Variants in PTPRR observed in about 807,000 individuals in gnomAD.
The protein encoded by PTPRR is receptor-type tyrosine-protein phosphatase R.
A neutral mutation model predicts 77.2 loss-of-function variants in PTPRR; 38 were observed. The observed-to-expected ratio is 0.49, with a 90% confidence interval of 0.38 to 0.65. The LOEUF (loss-of-function observed/expected upper bound fraction) is 0.65. Ranked by LOEUF, PTPRR falls within the 30% of genes least tolerant of loss-of-function variation. The pLI is 0.00. For missense variants in PTPRR, 744 were observed against 799.2 expected (o/e 0.93, Z 0.83); for synonymous variants, 299 against 283.1 (o/e 1.06, Z -0.57).
intron 2 of PTPRR, among the ~76,000 whole-genome samples, chr12:70,831,369 G>A (rs1304415060): frequency 6.6e-6 from 1 of 152,166 alleles, no homozygotes. Flanking sequence ...TATACTAGCA[G>A]TCATAATCAT....
chr12:70,656,429 T>C (rs1592640245), intron 13 of PTPRR, among the ~76,000 whole-genome samples: 2 of 152,016 alleles, frequency 1.3e-5, no homozygotes, highest in Non-Finnish European at 2.9e-5. Context: ...GTGCGGGGGC[T>C]GAGGTGTGAG....
chr12:70,883,013 C>T (rs994683590), intron 2 of PTPRR, among the ~76,000 whole-genome samples: 3 of 152,172 alleles, frequency 2.0e-5, no homozygotes, highest in Non-Finnish European at 4.4e-5. Flanking sequence ...TGACTCATGC[C>T]TGTAATCCCA....
At chr12:70,882,251 G>A (rs1051768576) in intron 2 of PTPRR, among the ~76,000 whole-genome samples, 5 of 152,150 alleles carry the variant, frequency 3.3e-5, no homozygotes, top group African/African-American at 4.8e-5. Context: ...AGCCCTGGAG[G>A]TATTTCCTTT....
At position 70,808,551 on chromosome 12, in the gene PTPRR, G is replaced by T. The variant is rs1032242408; in HGVS notation, c.358-43773C>A. ...TTGTACTCTCTCCCTCTATTTCTCA[G>T]ACTGGCCAACACTTAGGGCAAATAG... On this transcript the variant is annotated intron_variant, in intron 2 of 13. Transcript: ENST00000283228. Among the ~76,000 whole-genome samples the T allele has an allele frequency of 1.6e-4, 24 of 152,094 alleles. 1 individual carries two copies. Among genetic ancestry groups the T allele is most frequent in the African/African-American group, 5.5e-4 (23 of 41,470 alleles).
chr12:70,808,378 A>T (rs1295434091), intron 2 of PTPRR, among the ~76,000 whole-genome samples: 1 of 151,934 alleles, frequency 6.6e-6, no homozygotes, highest in Non-Finnish European at 1.5e-5. Flanking sequence ...AAAGCATGTG[A>T]TCTCTGTGAC....
chr12:70,886,017 T>A (rs199711496), intron 2 of PTPRR, among the ~76,000 whole-genome samples: 1 of 152,064 alleles, frequency 6.6e-6, no homozygotes, highest in East Asian at 1.9e-4. Flanking sequence ...AAGACTTGAG[T>A]CATCCTAATA....
intron 6 of PTPRR, among the ~76,000 whole-genome samples, chr12:70,722,617 C>G (rs1291161374): frequency 6.6e-6 from 1 of 152,074 alleles, no homozygotes; most frequent in Non-Finnish European, 1.5e-5. Flanking sequence ...TTGCCAGAAT[C>G]TGGGTACCAA....
intron 10 of PTPRR, among the ~76,000 whole-genome samples, chr12:70,667,805 G>A (rs967080373): frequency 1.3e-5 from 2 of 151,828 alleles, no homozygotes; most frequent in African/African-American, 2.4e-5. Context: ...TGCTTGCTAG[G>A]TTGGACTCCC....
chr12:70,724,438 T>A (rs1889364618), intron 6 of PTPRR, among the ~76,000 whole-genome samples: 1 of 152,182 alleles, frequency 6.6e-6, no homozygotes, highest in Non-Finnish European at 1.5e-5. Context: ...TTAATTGAGA[T>A]AATATGTGTG....
chr12:70,804,139 C>CTGTGTGTGTGTA (rs1891666176), intron 2 of PTPRR, among the ~76,000 whole-genome samples: 1 of 137,252 alleles, frequency 7.3e-6, no homozygotes. Context: ...GTTCCTGGCT[C>CTGTGTGTGTGTA]TGTGTGTGTG....
Position 70,764,647 on chromosome 12 carries a change from G to A in PTPRR, c.471+18C>T, listed in dbSNP as rs759183576. ...CACACGGCTTGAATTTTGGAAATGC[G>A]AAATGTGGGTATCTTACAATGAGGC... On this transcript the variant is annotated intron_variant, in intron 3 of 13. Coordinates refer to ENST00000283228, the MANE Select transcript of PTPRR (RefSeq NM_002849.4). 6.4e-5 allele frequency: 101 copies of A among 1,586,844 alleles called. No individual in the cohort carries two copies. The highest frequency in any genetic ancestry group is 1.8e-4 in the South Asian group (16 of 90,576).
At chr12:70,705,899 G>A (rs1432876940) in intron 6 of PTPRR, among the ~76,000 whole-genome samples, 2 of 152,022 alleles carry the variant, frequency 1.3e-5, no homozygotes, top group Non-Finnish European at 2.9e-5. Flanking sequence ...GTGTTACAGT[G>A]GCCATGAATC....
intron 3 of PTPRR, among the ~76,000 whole-genome samples, chr12:70,764,008 CTTTTTTTTT>C (rs1249116948): frequency 7.6e-6 from 1 of 132,200 alleles, no homozygotes; most frequent in African/African-American, 2.8e-5. Flanking sequence ...TTTGGGTTTA[CTTTTTTTTT>C]TTTTTTTTTT....
chr12:70,809,277 C>A (rs1891767157), intron 2 of PTPRR, among the ~76,000 whole-genome samples: 1 of 152,132 alleles, frequency 6.6e-6, no homozygotes, highest in African/African-American at 2.4e-5. Context: ...GTAGAAAGTA[C>A]AAAGCCAGAA....
chr12:70,810,334 C>A (rs1191453047), intron 2 of PTPRR, among the ~76,000 whole-genome samples: 2 of 152,126 alleles, frequency 1.3e-5, no homozygotes, highest in East Asian at 3.9e-4. Context: ...AGTGGTAGAA[C>A]AGCTCAGTGT....
chr12:70,795,234 G>T (rs1565699730), intron 2 of PTPRR, among the ~76,000 whole-genome samples: 2 of 152,034 alleles, frequency 1.3e-5, no homozygotes, highest in Non-Finnish European at 2.9e-5. Context: ...GGGCTCTTTT[G>T]TTACACACCC....
intron 2 of PTPRR, chr12:70,788,923 G>A: frequency 2.7e-6 from 4 of 1,455,814 alleles, no homozygotes; most frequent in Non-Finnish European, 3.6e-6. Context: ...AGCTTTCTAA[G>A]CTTGTGTGCT....
At chr12:70,783,565 A>C (rs1445801479) in intron 2 of PTPRR, among the ~76,000 whole-genome samples, 1 of 151,908 alleles carries the variant, frequency 6.6e-6, no homozygotes, top group Non-Finnish European at 1.5e-5. Context: ...TATGGGCCTC[A>C]GAGGGTGGGG....
At chr12:70,910,902 A>C (rs935356106) in intron 1 of PTPRR, among the ~76,000 whole-genome samples, 1 of 152,190 alleles carries the variant, frequency 6.6e-6, no homozygotes, top group African/African-American at 2.4e-5. Context: ...TAGAGAAGTG[A>C]AGCATCATGA....
Sources: allele counts gnomAD v4.1 joint callset (sites outside exome capture counted in the v4.1 genomes callset), GRCh38; gene constraint gnomAD v4.1.1; transcripts MANE v1.5; gene names NCBI Gene and HGNC (gene_info 2026-07-23, HGNC 2026-07-21).